The following CRYBG2 variants were observed in gnomAD, a reference collection of about 807,000 sequenced individuals.
CRYBG2 encodes crystallin beta-gamma domain containing 2, also known as beta/gamma crystallin domain-containing protein 2.
Under a neutral mutation model 153.4 loss-of-function variants are expected in CRYBG2, and 106 were observed. The observed-to-expected ratio is 0.69, with a 90% CI of 0.59 to 0.81. The LOEUF (loss-of-function observed/expected upper bound fraction) is 0.81, where lower values mean the gene tolerates loss of function less well. Ranked by LOEUF, CRYBG2 falls within the 30% of genes least tolerant of loss-of-function variation. The pLI, the probability that CRYBG2 is intolerant of heterozygous loss-of-function variation, is 0.00. For synonymous variants in CRYBG2, 851 were observed against 877.8 expected (o/e 0.97, Z 0.54); for missense variants, 1,996 against 2,112.0 (o/e 0.95, Z 1.08).
chr1:26,336,577 A>C lies in CRYBG2; in HGVS notation c.4038+29T>G. 1 of 1,541,178 alleles carries C rather than the reference A, an allele frequency of 6.5e-7. No homozygotes were observed. Among genetic ancestry groups the C allele is most frequent in the Non-Finnish European group, 8.7e-7 (1 of 1,142,988 alleles). ...CGAACTCCAGGTCCCGCCACCGGGG[A>C]GGCCCCGCCCCCCGCGGCCGGCACG... On this transcript the variant is annotated intron_variant, in intron 12 of 19. Transcript: ENST00000308182. The surrounding 1 kb of genome is among the most constrained non-coding windows in gnomAD (Gnocchi z 4.9).
At position 26,338,335 on chromosome 1, in the gene CRYBG2, G is replaced by A. The variant is rs201620139; in HGVS notation, c.3471+16C>T. ...AGCCTAGACCTCCTGGCCTGTGGGT[G>A]TGCCCTGTTCTTTACCAATCTCATG... On this transcript the variant is annotated intron_variant, in intron 7 of 19. Coordinates refer to ENST00000308182, the MANE Select transcript of CRYBG2 (RefSeq NM_001039775.4). The A allele has an allele frequency of 8.4e-4, 1,328 of 1,582,990 alleles. 1 individual carries two copies. Among genetic ancestry groups the A allele is most frequent in the Non-Finnish European group, 9.1e-4 (1,060 of 1,166,206 alleles).
In CRYBG2 at chr1:26,344,308, G is replaced by A. The variant is rs1269394858; in HGVS notation, c.2350C>T (p.Arg784Trp). 42 of 1,509,420 alleles carry A rather than the reference G, an allele frequency of 2.8e-5. No individual in the cohort carries two copies. The highest frequency in any genetic ancestry group is 3.3e-5 in the Non-Finnish European group (37 of 1,129,358). 93.5% of individuals were successfully genotyped at this position (1,509,420 alleles called of 1,614,324 possible). A position where few individuals can be genotyped will look rare whatever the true frequency, so the allele number is the denominator to read the frequency against. ...GAGGAGCGAGGGGCTCGTGGCAGCC[G>A]GTGAGTGCGGAGGATCTCAGGGGGC... ...MEPPEILRTH[R>W]LPRAPRSSYL... The change falls in exon 2 of 20, where the codon CGG becomes TGG. Residue 784 changes from arginine to tryptophan, a missense_variant. Arg to Trp is a moderately radical substitution (Grantham distance 101). Transcript: ENST00000308182.
chr1:26,348,029 G>A (rs1570215039), intron 1 of CRYBG2, among the ~76,000 whole-genome samples: 2 of 152,268 alleles, frequency 1.3e-5, no homozygotes, highest in Admixed American at 1.3e-4. Context: ...GAACTCCTGG[G>A]CTGAAGTGAT....
Position 26,337,397 on chromosome 1 carries a change from A to G in CRYBG2, c.3645-18T>C. On this transcript the variant is annotated intron_variant, in intron 9 of 19. Coordinates refer to ENST00000308182, the MANE Select transcript of CRYBG2 (RefSeq NM_001039775.4). The stretch of plus-strand genomic sequence containing the variant: ...CCACCCAGCTGGGAAAAGCAGGAGG[A>G]CAGACAGGCAGGTTCAGTCATAGGA... 1.2e-6 allele frequency: 2 copies of G among 1,612,084 alleles called. No homozygotes were observed. Among genetic ancestry groups the G allele is most frequent in the Non-Finnish European group, 1.7e-6 (2 of 1,178,830 alleles).
At chr1:26,330,036 A>G (rs1462004701) in intron 15 of CRYBG2, among the ~76,000 whole-genome samples, 1 of 152,174 alleles carries the variant, frequency 6.6e-6, no homozygotes, top group Non-Finnish European at 1.5e-5. Context: ...CGCCCGGCCC[A>G]AAGTGCTAGA....
chr1:26,326,095 T>G (rs889418676), intron 17 of CRYBG2, among the ~76,000 whole-genome samples: 7 of 152,110 alleles, frequency 4.6e-5, no homozygotes, highest in African/African-American at 1.7e-4. Flanking sequence ...TCTCGCCATG[T>G]TGCCCAGGCT....
intron 1 of CRYBG2, among the ~76,000 whole-genome samples, chr1:26,352,831 G>A (rs2074301002): frequency 7.0e-6 from 1 of 142,576 alleles, no homozygotes. Flanking sequence ...CCCAGCCCCT[G>A]ACTTCTGGGG....
rs567344339 is a variant in CRYBG2, at chr1:26,339,103, A to G, written c.3344+187T>C. ...CTCTGACTTCCACACTCTGCCTCTC[A>G]TGGTATGGTGTTTTTCTGTGCTCCC... On this transcript the variant is annotated intron_variant, in intron 6 of 19. Coordinates refer to ENST00000308182, the MANE Select transcript of CRYBG2 (RefSeq NM_001039775.4). Among the ~76,000 whole-genome samples, 3 of 152,156 alleles carry G rather than the reference A, an allele frequency of 2.0e-5. No homozygotes were observed. The South Asian group carries it at 6.2e-4, about 32-fold the overall frequency.
In CRYBG2 at chr1:26,346,158, C is replaced by T. The variant is rs369844437; in HGVS notation, c.500G>A (p.Arg167Gln). ...TGTCACTCGGTATTCCTCGAGGCTCCGGGAGCTACCACTGGTGAGACCTAC... is the reference window on the plus strand; with the variant it reads ...TGTCACTCGGTATTCCTCGAGGCTCTGGGAGCTACCACTGGTGAGACCTAC... The part of the protein sequence containing the change: ...PGVGLTSGSS[R>Q]SLEEYRVTRT... The change falls in exon 2 of 20, where the codon CGG becomes CAG. Residue 167 changes from arginine to glutamine, a missense_variant. Arg to Gln is a conservative substitution (Grantham distance 43, BLOSUM62 1). Coordinates refer to ENST00000308182, the MANE Select transcript of CRYBG2 (RefSeq NM_001039775.4). The surrounding 1 kb of genome is among the most constrained non-coding windows in gnomAD (Gnocchi z 4.9). The T allele has an allele frequency of 3.7e-5, 57 of 1,551,624 alleles. No homozygotes were observed. The highest frequency in any genetic ancestry group is 1.2e-4 in the African/African-American group (9 of 72,510).
chr1:26,324,595 C>A (rs1342079861), intron 17 of CRYBG2, among the ~76,000 whole-genome samples: 1 of 151,884 alleles, frequency 6.6e-6, no homozygotes, highest in Non-Finnish European at 1.5e-5. Context: ...GACAGATACA[C>A]CTCTGGTACA....
rs1325814939 is a variant in CRYBG2, at chr1:26,344,134, C to T, written c.2524G>A (p.Asp842Asn). The change falls in exon 2 of 20, where the codon GAT (aspartate) becomes AAT (asparagine). Residue 842 changes from aspartate (D) to asparagine (N), a missense_variant. Physicochemically the swap from Asp to Asn is conservative, Grantham distance 23. Coordinates refer to ENST00000308182, the MANE Select transcript of CRYBG2 (RefSeq NM_001039775.4). Reference sequence around the variant, plus strand: ...TCCTGCCTGCGCTGGAGCTTCTCATCGTCACTCAGATAGGGGTTCTCTGGT... The same window carrying T: ...TCCTGCCTGCGCTGGAGCTTCTCATTGTCACTCAGATAGGGGTTCTCTGGT... ...EEPENPYLSD[D>N]EKLQRRQEKA... The T allele has an allele frequency of 6.5e-6, 10 of 1,536,098 alleles. No individual in the cohort carries two copies. In the East Asian group the frequency reaches 7.3e-5, roughly 11 times the overall value.
intron 1 of CRYBG2, among the ~76,000 whole-genome samples, chr1:26,351,966 C>T (rs2074292044): frequency 6.6e-6 from 1 of 152,086 alleles, no homozygotes; most frequent in Non-Finnish European, 1.5e-5. Flanking sequence ...TGCAGGGCCC[C>T]AGACCAGAAG....
intron 1 of CRYBG2, among the ~76,000 whole-genome samples, chr1:26,348,770 G>A (rs113892704): frequency 0.21 from 31,820 of 151,534 alleles, 3,450 homozygotes; most frequent in South Asian, 0.23. Flanking sequence ...TGCCCAGGCT[G>A]GTCTCAAACT....
Position 26,328,212 on chromosome 1 carries a change from C to T in CRYBG2, c.4575G>A (p.Lys1525=), listed in dbSNP as rs145510676. The T allele has an allele frequency of 5.2e-4, 815 of 1,563,614 alleles. 7 individuals carry two copies. The highest frequency in any genetic ancestry group is 8.3e-4 in the Admixed American group (44 of 52,862). ...TQRVGSLYPI[K]QRRVYFRLWN... ...CAGCTCCAGCCACGCTACCCACCTGCTTGATGGGGTAGAGGGAGCCCACCC... is the reference window on the plus strand; with the variant it reads ...CAGCTCCAGCCACGCTACCCACCTGTTTGATGGGGTAGAGGGAGCCCACCC... The change falls in exon 17 of 20, where the codon AAG becomes AAA. Residue 1525 remains lysine, a synonymous_variant. Coordinates refer to ENST00000308182, the MANE Select transcript of CRYBG2 (RefSeq NM_001039775.4).
chr1:26,334,521 T>G (rs1236731197), intron 14 of CRYBG2, among the ~76,000 whole-genome samples: 1 of 152,124 alleles, frequency 6.6e-6, no homozygotes, highest in Non-Finnish European at 1.5e-5. Flanking sequence ...GTATATTAGG[T>G]TGGTGACATA....
rs1309512873 is a variant in CRYBG2 at position 26,344,910 on chromosome 1, A to G, written c.1748T>C (p.Val583Ala). 2.0e-6 allele frequency: 3 copies of G among 1,535,916 alleles called. No individual in the cohort carries two copies. In the Admixed American group the frequency reaches 5.9e-5, roughly 30 times the overall value. The change falls in exon 2 of 20, where the codon GTG becomes GCG. Residue 583 changes from valine to alanine, a missense_variant. Transcript: ENST00000308182. Reference protein sequence around the residue: ...AALSTTPKEVVKGPGAPAASS... With the variant: ...AALSTTPKEVAKGPGAPAASS... ...GGCAGCAGGAGCACCAGGGCCCTTC[A>G]CAACCTCTTTTGGGGTGGTGGACAA... is the stretch of plus-strand genomic sequence containing the variant.
At chr1:26,335,343 G>T (rs2074042012) in intron 14 of CRYBG2, among the ~76,000 whole-genome samples, 1 of 152,114 alleles carries the variant, frequency 6.6e-6, no homozygotes, top group African/African-American at 2.4e-5. Flanking sequence ...GGGCTTGGTG[G>T]CCCATGCCTA....
At chr1:26,349,628 T>C (rs978739990) in intron 1 of CRYBG2, among the ~76,000 whole-genome samples, 6 of 152,116 alleles carry the variant, frequency 3.9e-5, no homozygotes, top group Non-Finnish European at 8.8e-5. Flanking sequence ...GGCTTGAATA[T>C]TTGTCCCCTC....
rs1445619609 is a variant in CRYBG2 at position 26,337,674 on chromosome 1, C to T, written c.3508G>A (p.Ala1170Thr). 5 of 1,610,764 alleles carry T rather than the reference C, an allele frequency of 3.1e-6. No homozygotes were observed. Among genetic ancestry groups the T allele is most frequent in the Admixed American group, 1.7e-5 (1 of 59,952 alleles). ...PSVEKPGEPR[A>T]VVYEAPGFQG... ...AAGCCTGGGGCCTCATACACCACAGCCTGGGGGAAAGGGGCTGTCAGGAGT... is the reference window on the plus strand; with the variant it reads ...AAGCCTGGGGCCTCATACACCACAGTCTGGGGGAAAGGGGCTGTCAGGAGT... Residue 1170 changes from alanine (A) to threonine (T), a missense_variant and splice_region_variant, in exon 9 of 20, where the codon GCT becomes ACT. Coordinates refer to ENST00000308182, the MANE Select transcript of CRYBG2 (RefSeq NM_001039775.4).
Sources: gnomAD v4.1 joint callset for allele counts (sites outside exome capture counted in the v4.1 genomes callset) on GRCh38, gnomAD v4.1.1 for gene constraint, Gnocchi (gnomAD v3.1) non-coding constraint, MANE v1.5 for transcripts, NCBI Gene and HGNC (gene_info 2026-07-23, HGNC 2026-07-21) for gene names.